Variants in NIPA2 observed in about 807,000 individuals in gnomAD.
The protein encoded by NIPA2 is magnesium transporter NIPA2.
NIPA2 carries 11 observed loss-of-function variants against 29.7 expected under a neutral mutation model. The ratio of observed to expected loss-of-function variants is 0.37; its 90% CI spans 0.23 to 0.61. The LOEUF is 0.61. NIPA2 is among the 20% of genes least tolerant of loss of function. The pLI, the probability that NIPA2 is intolerant of heterozygous loss-of-function variation, is 0.66. For synonymous variants in NIPA2, 183 were observed against 161.9 expected (o/e 1.13, Z -0.99); for missense variants, 426 against 437.9 (o/e 0.97, Z 0.24).
intron 6 of NIPA2, 39 bp downstream of exon 6, chr15:22,858,669 T>G: frequency 8.0e-7 from 1 of 1,251,396 alleles, no homozygotes; most frequent in Non-Finnish European, 1.1e-6. Context: ...GTAGTCGGTA[T>G]CTTAGTTTCT....
intron 2 of NIPA2, among the ~76,000 whole-genome samples, chr15:22,840,835 T>G (rs1298216869): frequency 6.6e-6 from 1 of 152,120 alleles, no homozygotes; most frequent in Non-Finnish European, 1.5e-5. Context: ...TAAAAAGAAT[T>G]TCACATATTT....
At chr15:22,848,571 T>C (rs1315819875) in intron 3 of NIPA2, among the ~76,000 whole-genome samples, 2 of 152,016 alleles carry the variant, frequency 1.3e-5, no homozygotes, top group African/African-American at 4.8e-5. Context: ...ATGGCTGTAA[T>C]CCTAGCACTT....
chr15:22,866,447 G>C lies in NIPA2; in HGVS notation c.683G>C (p.Cys228Ser). 2 of 1,614,140 alleles carry C rather than the reference G, an allele frequency of 1.2e-6. No homozygotes were observed. The highest frequency in any genetic ancestry group is 1.7e-6 in the Non-Finnish European group (2 of 1,180,014). The change falls in exon 8 of 8, where the codon TGT becomes TCT. Residue 228 changes from cysteine to serine, a missense_variant. Physicochemically the swap from Cys to Ser is moderately radical, Grantham distance 112. Around this residue, in one of 3 missense-constraint regions of NIPA2, gnomAD observed 357 missense variants for 339.8 expected, o/e 1.05. Coordinates refer to ENST00000337451, the MANE Select transcript of NIPA2 (RefSeq NM_030922.7). ...ATTCTGCTGCTGAGCCTCATCGTCT[G>C]TGTGAGCACACAGATTAATTACCTA... ...AWILLLSLIVCVSTQINYLNR... is the reference protein window; with the variant it reads ...AWILLLSLIVSVSTQINYLNR...
At chr15:22,846,233 G>A (rs904066128) in intron 3 of NIPA2, among the ~76,000 whole-genome samples, 5 of 152,142 alleles carry the variant, frequency 3.3e-5, no homozygotes, top group Non-Finnish European at 5.9e-5. Flanking sequence ...AATTCCTTGG[G>A]CTGGCAGGGC....
chr15:22,843,958 A>C (rs951964638), intron 2 of NIPA2, among the ~76,000 whole-genome samples: 1 of 152,088 alleles, frequency 6.6e-6, no homozygotes, highest in Non-Finnish European at 1.5e-5. Flanking sequence ...CGGCCTCCCA[A>C]GGTGCTGGGG....
chr15:22,846,837 A>ATTATTATT lies in NIPA2; in HGVS notation c.-94+1570_-94+1571insTTATTATT, dbSNP rs1898827882. Among the ~76,000 whole-genome samples, 369 of 101,244 alleles carry ATTATTATT rather than the reference A, an allele frequency of 3.6e-3. 3 individuals are homozygous for ATTATTATT. The highest frequency in any genetic ancestry group is 0.013 in the African/African-American group (354 of 26,812). 66.4% of individuals were successfully genotyped at this position (101,244 alleles called of 152,430 possible). ...TCTCCAAAATAATAATAATAATAAT[A>ATTATTATT]ATAATTATTATTATTATTATTTAAA... On this transcript the variant is annotated intron_variant, in intron 3 of 7. Transcript: ENST00000337451.
At chr15:22,863,951 G>A (rs1749770989) in intron 7 of NIPA2, among the ~76,000 whole-genome samples, 1 of 152,048 alleles carries the variant, frequency 6.6e-6, no homozygotes, top group Admixed American at 6.5e-5. Flanking sequence ...TCGTTTGTAG[G>A]TATTTGGGGT....
intron 7 of NIPA2, among the ~76,000 whole-genome samples, chr15:22,865,430 G>A (rs1341633751): frequency 2.6e-5 from 4 of 151,736 alleles, no homozygotes; most frequent in Admixed American, 6.6e-5. Context: ...AGCTTGCAGT[G>A]AGCCGAGATC....
Position 22,838,703 on chromosome 15 carries a change from C to G in NIPA2, c.-570C>G, listed in dbSNP as rs942149716. ...TAGGTCCCGGCAGCGGTGGTGACGG[C>G]GGTGCCGGAGGTTGTCCTTGGCAGG... On this transcript the variant is annotated 5_prime_UTR_variant, in exon 1 of 8. Coordinates refer to ENST00000337451, the MANE Select transcript of NIPA2 (RefSeq NM_030922.7). 6.6e-6 allele frequency: 1 copy of G among 152,502 alleles called. No individual in the cohort carries two copies. The highest frequency in any genetic ancestry group is 1.5e-5 in the Non-Finnish European group (1 of 68,090). The allele number at this position is 152,502 out of a possible 1,614,324, so 9.4% of individuals were successfully genotyped here.
chr15:22,866,839 G>T lies in NIPA2; in HGVS notation c.1075G>T (p.Ala359Ser). ...CTCCCGAAGAAATGGAAATCTGACA[G>T]CTTTTTAAGAAAGGTGTAATTAAAG... ...NVSRRNGNLT[A>S]F Residue 359 changes from alanine (A) to serine (S), a missense_variant, in exon 8 of 8, where the codon GCT (alanine) becomes TCT (serine). Transcript: ENST00000337451. 9 of 1,581,718 alleles carry T rather than the reference G, an allele frequency of 5.7e-6. No homozygotes were observed. The highest frequency in any genetic ancestry group is 6.0e-6 in the Non-Finnish European group (7 of 1,163,132).
In NIPA2 at chr15:22,866,489, T is replaced by C. The variant is rs761097989; in HGVS notation, c.725T>C (p.Ile242Thr). The C allele has an allele frequency of 1.2e-6, 2 of 1,614,068 alleles. No individual in the cohort carries two copies. The highest frequency in any genetic ancestry group is 1.7e-6 in the Non-Finnish European group (2 of 1,179,888). Residue 242 changes from isoleucine to threonine, a missense_variant, in exon 8 of 8, where the codon ATA becomes ACA. Physicochemically the swap from Ile to Thr is moderately conservative, Grantham distance 89. Coordinates refer to ENST00000337451, the MANE Select transcript of NIPA2 (RefSeq NM_030922.7). ...QINYLNRALDIFNTSIVTPIY... is the reference protein window; with the variant it reads ...QINYLNRALDTFNTSIVTPIY... ...AATTACCTAAATAGGGCCCTGGATA[T>C]ATTCAACACTTCCATTGTGACTCCA... is the stretch of plus-strand genomic sequence containing the variant.
intron 5 of NIPA2, among the ~76,000 whole-genome samples, chr15:22,855,543 A>T (rs2058117214): frequency 1.3e-5 from 2 of 152,120 alleles, no homozygotes; most frequent in Admixed American, 6.5e-5. Context: ...AGAGGAAAAG[A>T]CTGAAAAATC....
chr15:22,845,647 T>C (rs1898418411), intron 3 of NIPA2, among the ~76,000 whole-genome samples: 1 of 152,084 alleles, frequency 6.6e-6, no homozygotes, highest in African/African-American at 2.4e-5. Context: ...GCTTAAGGTG[T>C]ACCCTGGCCT....
At position 22,867,335 on chromosome 15, in the gene NIPA2, A is replaced by C. The variant is rs2059168361; in HGVS notation, c.*488A>C. The stretch of plus-strand genomic sequence containing the variant: ...GATGATGATTGGTTTTATTTTTGAA[A>C]TATTTATTAAGGGAAAACTAAGTTA... On this transcript the variant is annotated 3_prime_UTR_variant, in exon 8 of 8. Transcript: ENST00000337451. 2.5e-6 allele frequency: 1 copy of C among 396,522 alleles called. No homozygotes were observed. The highest frequency in any genetic ancestry group is 1.3e-4 in the South Asian group (1 of 7,604). 24.6% of individuals were successfully genotyped at this position (396,522 alleles called of 1,614,324 possible). A position where few individuals can be genotyped will look rare whatever the true frequency, so the allele number is the denominator to read the frequency against.
At chr15:22,853,799 TTTA>T (rs1161030534) in intron 5 of NIPA2, among the ~76,000 whole-genome samples, 1 of 152,156 alleles carries the variant, frequency 6.6e-6, no homozygotes, top group Non-Finnish European at 1.5e-5. Flanking sequence ...CCCTCAACAA[TTTA>T]TCCTTTGCAG....
intron 5 of NIPA2, among the ~76,000 whole-genome samples, chr15:22,858,203 C>T (rs2058345051): frequency 6.6e-6 from 1 of 152,156 alleles, no homozygotes; most frequent in East Asian, 1.9e-4. Context: ...ACCATCCTGG[C>T]TAACACGGTG....
chr15:22,849,515 AG>A (rs1158569844), intron 3 of NIPA2, among the ~76,000 whole-genome samples: 1 of 151,988 alleles, frequency 6.6e-6, no homozygotes, highest in Non-Finnish European at 1.5e-5. Context: ...GATACTTAGA[AG>A]AACTCAGCAC....
intron 7 of NIPA2, among the ~76,000 whole-genome samples, chr15:22,864,853 TTGTTA>T (rs75497318): frequency 0.14 from 20,264 of 142,170 alleles, 2,190 homozygotes; most frequent in East Asian, 0.39. Flanking sequence ...TTACGAAGGA[TTGTTA>T]TCTTCGGTCC....
intron 7 of NIPA2, among the ~76,000 whole-genome samples, chr15:22,864,852 ATTG>A (rs143620802): frequency 0.037 from 5,391 of 146,054 alleles, 142 homozygotes; most frequent in Non-Finnish European, 0.052. Flanking sequence ...CTTACGAAGG[ATTG>A]TTATCTTCGG....
Sources: allele counts gnomAD v4.1 joint callset (sites outside exome capture counted in the v4.1 genomes callset), GRCh38; gene constraint gnomAD v4.1.1; regional missense constraint gnomAD v4.1.1; transcripts MANE v1.5; gene names NCBI Gene and HGNC (gene_info 2026-07-23, HGNC 2026-07-21).